Variants in FRAS1 observed in about 807,000 individuals in gnomAD.
FRAS1 encodes extracellular matrix organizing protein FRAS1.
A neutral mutation model predicts 435.2 loss-of-function variants in FRAS1; 290 were observed. The observed-to-expected ratio is 0.67, with a 90% CI of 0.61 to 0.73. The LOEUF is 0.73. Among genes scored for constraint, FRAS1 ranks in the 30% least tolerant of loss-of-function variants. FRAS1 has a pLI of 0.00. For synonymous variants in FRAS1, 1,800 were observed against 1,851.0 expected (o/e 0.97, Z 0.71); for missense variants, 4,860 against 5,001.5 (o/e 0.97, Z 0.85).
At chr4:78,090,649 C>T (rs896522567) in intron 2 of FRAS1, among the ~76,000 whole-genome samples, 4 of 152,140 alleles carry the variant, frequency 2.6e-5, no homozygotes, top group Non-Finnish European at 5.9e-5. Flanking sequence ...TATACATCCA[C>T]GCTATTCCTA....
chr4:78,434,782 T>A (rs961415076), intron 38 of FRAS1, among the ~76,000 whole-genome samples: 4 of 152,128 alleles, frequency 2.6e-5, no homozygotes, highest in Non-Finnish European at 4.4e-5. Flanking sequence ...GATCTTACCA[T>A]AATAGCATTA....
At chr4:78,283,250 A>G (rs1727418065) in intron 12 of FRAS1, among the ~76,000 whole-genome samples, 1 of 152,206 alleles carries the variant, frequency 6.6e-6, no homozygotes, top group Non-Finnish European at 1.5e-5. Context: ...TTGCAAAATT[A>G]TTGTGAAAAT....
chr4:78,288,599 G>A (rs1285681428), intron 14 of FRAS1, among the ~76,000 whole-genome samples: 2 of 152,110 alleles, frequency 1.3e-5, no homozygotes, highest in African/African-American at 2.4e-5. Flanking sequence ...AAAGTTGCTG[G>A]GAAAATTTGT....
chr4:78,387,734 G>T, intron 29 of FRAS1, 33 bp downstream of exon 29: 1 of 1,372,370 alleles, frequency 7.3e-7, no homozygotes, highest in Non-Finnish European at 9.8e-7. Context: ...CAGTTTCTTT[G>T]CACCTAGATG....
In FRAS1 at chr4:78,514,961, G is replaced by A. The variant is rs151050941; in HGVS notation, c.10175-838G>A. Among the ~76,000 whole-genome samples, 954 of 151,644 alleles carry A rather than the reference G, an allele frequency of 6.3e-3. 7 individuals are homozygous for A. Among genetic ancestry groups the A allele is most frequent in the African/African-American group, 0.022 (906 of 41,294 alleles). ...CGTGCACCTGTAATCCCAGCTACTC[G>A]GGAGGCTGAGACAGGAGAATCGCTT... is the stretch of plus-strand genomic sequence containing the variant. On this transcript the variant is annotated intron_variant, in intron 65 of 73. Transcript: ENST00000512123.
chr4:78,508,622 A>G (rs1720924710), intron 62 of FRAS1, 109 bp from the exon 63 acceptor site: 16 of 1,130,952 alleles, frequency 1.4e-5, no homozygotes, highest in Non-Finnish European at 1.8e-5. Flanking sequence ...TTATATTTCA[A>G]AGAACCTGTA....
intron 14 of FRAS1, among the ~76,000 whole-genome samples, chr4:78,305,167 T>C (rs571065898): frequency 1.3e-5 from 2 of 151,812 alleles, no homozygotes; most frequent in African/African-American, 2.4e-5. Flanking sequence ...TGTAGTTGAG[T>C]GGTTTTGAGT....
chr4:78,173,761 T>C (rs1459666496), intron 2 of FRAS1, among the ~76,000 whole-genome samples: 1 of 152,248 alleles, frequency 6.6e-6, no homozygotes, highest in Non-Finnish European at 1.5e-5. Flanking sequence ...GGCGGCACTA[T>C]GTGATTTTTT....
intron 2 of FRAS1, among the ~76,000 whole-genome samples, chr4:78,184,214 A>G (rs1722177669): frequency 6.6e-6 from 1 of 152,218 alleles, no homozygotes; most frequent in Non-Finnish European, 1.5e-5. Context: ...CAGAACCAGC[A>G]GTAGATAATA....
At chr4:78,429,011 A>T in intron 35 of FRAS1, 84 bp from the exon 36 acceptor site, 1 of 1,431,866 alleles carries the variant, frequency 7.0e-7, no homozygotes, top group Non-Finnish European at 9.5e-7. Context: ...AGAGGACCAG[A>T]CTACAAGTTG....
At chr4:78,058,926 G>A (rs1324387682) in intron 1 of FRAS1, among the ~76,000 whole-genome samples, 1 of 152,226 alleles carries the variant, frequency 6.6e-6, no homozygotes, top group Non-Finnish European at 1.5e-5. Context: ...GCTCCCTCCT[G>A]CTCCGAGGAG....
At chr4:78,178,537 C>T (rs534419758) in intron 2 of FRAS1, among the ~76,000 whole-genome samples, 12 of 152,264 alleles carry the variant, frequency 7.9e-5, no homozygotes, top group African/African-American at 2.9e-4. Context: ...TAAAAATTCC[C>T]CTGATAGTCA....
chr4:78,204,020 G>A (rs1381886016), intron 2 of FRAS1, among the ~76,000 whole-genome samples: 6 of 152,196 alleles, frequency 3.9e-5, no homozygotes, highest in African/African-American at 1.4e-4. Context: ...AAAAGGCTGT[G>A]ATATGCCCTA....
chr4:78,503,307 C>A (rs1252214083), intron 61 of FRAS1, among the ~76,000 whole-genome samples: 2 of 152,144 alleles, frequency 1.3e-5, no homozygotes, highest in African/African-American at 4.8e-5. Flanking sequence ...CTTCTTTGTA[C>A]CTCTGATAGA....
At chr4:78,485,475 A>C (rs1720142319) in intron 58 of FRAS1, among the ~76,000 whole-genome samples, 1 of 152,216 alleles carries the variant, frequency 6.6e-6, no homozygotes, top group Non-Finnish European at 1.5e-5. Flanking sequence ...TTTTTCTTTC[A>C]GAGAAGCTAC....
intron 2 of FRAS1, among the ~76,000 whole-genome samples, chr4:78,086,590 G>A (rs968832385): frequency 1.3e-5 from 2 of 151,792 alleles, no homozygotes; most frequent in Non-Finnish European, 2.9e-5. Flanking sequence ...ATGACAAAGG[G>A]GATATCACCA....
chr4:78,317,335 C>T, intron 16 of FRAS1, 33 bp from the exon 17 acceptor site: 1 of 1,613,164 alleles, frequency 6.2e-7, no homozygotes, highest in South Asian at 1.1e-5. Context: ...CACCCATGTC[C>T]CATGGCGTTC....
chr4:78,309,051 T>C (rs181279217), intron 15 of FRAS1, among the ~76,000 whole-genome samples: 1 of 152,278 alleles, frequency 6.6e-6, no homozygotes, highest in Non-Finnish European at 1.5e-5. Flanking sequence ...AGTCCTTATA[T>C]GAGGGAGGCA....
Position 78,068,781 on chromosome 4 carries a change from A to G in FRAS1, c.108+2765A>G, listed in dbSNP as rs112789007. ...ATTTCAAAATCTAGAGAGATTCTGC[A>G]TTCGGGTTTATTTGTAACCACTTTA... is the stretch of plus-strand genomic sequence containing the variant. On this transcript the variant is annotated intron_variant, in intron 2 of 73. Coordinates refer to ENST00000512123, the MANE Select transcript of FRAS1 (RefSeq NM_025074.7). 3,385 of 350,556 alleles carry G rather than the reference A, an allele frequency of 9.7e-3. 35 individuals carry two copies. Among genetic ancestry groups the G allele is most frequent in the Middle Eastern group, 0.037 (38 of 1,030 alleles). The allele number at this position is 350,556 out of a possible 1,614,324, so 21.7% of individuals were successfully genotyped here. A position where few individuals can be genotyped will look rare whatever the true frequency, so the allele number is the denominator to read the frequency against.
Sources: gnomAD v4.1 joint callset for allele counts (sites outside exome capture counted in the v4.1 genomes callset) on GRCh38, gnomAD v4.1.1 for gene constraint, MANE v1.5 for transcripts, NCBI Gene and HGNC (gene_info 2026-07-23, HGNC 2026-07-21) for gene names.